The following SGCZ variants were observed in gnomAD, a reference collection of about 807,000 sequenced individuals.
SGCZ encodes the protein zeta-sarcoglycan.
A neutral mutation model predicts 41.3 loss-of-function variants in SGCZ; 40 were observed. The ratio of observed to expected loss-of-function variants is 0.97; its 90% CI spans 0.75 to 1.26. The LOEUF (loss-of-function observed/expected upper bound fraction) is 1.26. Ranked by LOEUF, SGCZ falls within the 50% of genes most tolerant of loss-of-function variation. SGCZ has a pLI of 0.00. For synonymous variants in SGCZ, 206 were observed against 137.5 expected (o/e 1.50, Z -3.49); for missense variants, 552 against 369.8 (o/e 1.49, Z -4.04).
intron 1 of SGCZ, among the ~76,000 whole-genome samples, chr8:15,069,443 T>C (rs1259076622): frequency 1.3e-5 from 2 of 152,232 alleles, no homozygotes; most frequent in African/African-American, 4.8e-5. Context: ...ATTTTCCAAG[T>C]GAGTATACCT....
intron 3 of SGCZ, among the ~76,000 whole-genome samples, chr8:14,312,658 AGAGGAGGAGGAAGAGGAG>A (rs1221329817): frequency 2.6e-5 from 4 of 151,866 alleles, no homozygotes; most frequent in South Asian, 2.1e-4. Context: ...AGGAAGAGGA[AGAGGAGGAGGAAGAGGAG>A]GAGGAGGAGG....
At position 14,087,349 on chromosome 8, in the gene SGCZ, G is replaced by T. The variant is rs909180205; in HGVS notation, c.*3094C>A. Among the ~76,000 whole-genome samples, 3 of 151,588 alleles carry T rather than the reference G, an allele frequency of 2.0e-5. No homozygotes were observed. The highest frequency in any genetic ancestry group is 3.0e-5 in the Non-Finnish European group (2 of 67,648). ...AATTGAAATCTTCTGAAAAAGAAAAGAATAATGTGTCCTCTTTGCATCTTT... is the reference window on the plus strand; with the variant it reads ...AATTGAAATCTTCTGAAAAAGAAAATAATAATGTGTCCTCTTTGCATCTTT... On this transcript the variant is annotated 3_prime_UTR_variant, in exon 8 of 8. Coordinates refer to ENST00000382080, the MANE Select transcript of SGCZ (RefSeq NM_139167.4).
intron 1 of SGCZ, among the ~76,000 whole-genome samples, chr8:14,920,585 A>G (rs941551817): frequency 1.3e-5 from 2 of 152,194 alleles, no homozygotes; most frequent in African/African-American, 4.8e-5. Context: ...GGAAAAAAAG[A>G]TAAGATGGTA....
At chr8:14,671,490 A>T (rs1324267449) in intron 1 of SGCZ, among the ~76,000 whole-genome samples, 1 of 152,210 alleles carries the variant, frequency 6.6e-6, no homozygotes, top group Non-Finnish European at 1.5e-5. Flanking sequence ...TTATTTGAAA[A>T]GATCTAACTG....
intron 1 of SGCZ, among the ~76,000 whole-genome samples, chr8:14,614,766 A>G (rs941948955): frequency 6.6e-6 from 1 of 152,194 alleles, no homozygotes; most frequent in Admixed American, 6.5e-5. Context: ...GAGAGTTAAC[A>G]TAAGTGGTGG....
At chr8:14,558,574 T>TAG (rs146179658) in intron 1 of SGCZ, among the ~76,000 whole-genome samples, 3,357 of 99,704 alleles carry the variant, frequency 0.034, 66 homozygotes, top group Middle Eastern at 0.083. Flanking sequence ...GAATGACTCT[T>TAG]AGAGAGAGAG....
intron 5 of SGCZ, among the ~76,000 whole-genome samples, chr8:14,131,147 A>G (rs1181043633): frequency 6.6e-6 from 1 of 152,106 alleles, no homozygotes; most frequent in Non-Finnish European, 1.5e-5. Flanking sequence ...CACATCCTTG[A>G]TTTCCTTGGA....
At chr8:14,662,697 A>C (rs952018740) in intron 1 of SGCZ, among the ~76,000 whole-genome samples, 3 of 152,156 alleles carry the variant, frequency 2.0e-5, no homozygotes, top group Admixed American at 6.6e-5. Context: ...TAAGGTTGAT[A>C]ATGAAATCAT....
chr8:14,430,755 G>A (rs965968439), intron 2 of SGCZ, among the ~76,000 whole-genome samples: 1 of 152,152 alleles, frequency 6.6e-6, no homozygotes, highest in Non-Finnish European at 1.5e-5. Flanking sequence ...AAGTCAAAAT[G>A]TCGTTGTTTA....
intron 1 of SGCZ, among the ~76,000 whole-genome samples, chr8:14,741,716 C>T (rs574481674): frequency 9.9e-5 from 15 of 152,030 alleles, no homozygotes; most frequent in African/African-American, 3.1e-4. Context: ...AATTGCTTTT[C>T]CAAAAGTATG....
chr8:14,468,082 C>G (rs7815841), intron 2 of SGCZ, among the ~76,000 whole-genome samples: 34,121 of 151,878 alleles, frequency 0.22, 4,328 homozygotes, highest in Non-Finnish European at 0.29. Flanking sequence ...CACATTTTCA[C>G]TTACATTTTT....
intron 1 of SGCZ, among the ~76,000 whole-genome samples, chr8:14,820,492 G>C (rs1802043102): frequency 6.6e-6 from 1 of 151,960 alleles, no homozygotes; most frequent in Non-Finnish European, 1.5e-5. Context: ...AAACCAAATG[G>C]ACTTAATGAA....
intron 4 of SGCZ, among the ~76,000 whole-genome samples, chr8:14,212,484 A>G (rs1805843950): frequency 1.3e-5 from 2 of 151,726 alleles, no homozygotes; most frequent in South Asian, 4.1e-4. Context: ...AAAAAAAAAA[A>G]AAAAAAGTTG....
intron 1 of SGCZ, among the ~76,000 whole-genome samples, chr8:14,562,350 G>A (rs1804231438): frequency 6.6e-6 from 1 of 152,090 alleles, no homozygotes; most frequent in African/African-American, 2.4e-5. Context: ...GATGCATTAT[G>A]AATCTCACGT....
In SGCZ at chr8:14,252,448, C is replaced by T. The variant is rs1486030223; in HGVS notation, c.337-14769G>A. On this transcript the variant is annotated intron_variant, in intron 3 of 7. Transcript: ENST00000382080. The stretch of plus-strand genomic sequence containing the variant: ...ATTCTGTATCTGAAAATTTCAATTA[C>T]TGAAGTAACTGAAAAATCTAAACTT... Among the ~76,000 whole-genome samples the T allele has an allele frequency of 5.9e-5, 9 of 152,100 alleles. No homozygotes were observed. In the South Asian group the frequency reaches 1.9e-3, roughly 32 times the overall value.
intron 1 of SGCZ, among the ~76,000 whole-genome samples, chr8:14,871,855 C>A (rs922572804): frequency 6.8e-6 from 1 of 147,550 alleles, no homozygotes; most frequent in African/African-American, 2.5e-5. Flanking sequence ...TATATATATG[C>A]ATGTATGTAT....
chr8:14,418,990 AT>A (rs1173242453), intron 2 of SGCZ, among the ~76,000 whole-genome samples: 2 of 151,934 alleles, frequency 1.3e-5, no homozygotes, highest in Non-Finnish European at 2.9e-5. Context: ...GCACTTTTGA[AT>A]TCCCTTCATG....
At chr8:14,953,677 T>C (rs1289222059) in intron 1 of SGCZ, among the ~76,000 whole-genome samples, 1 of 152,152 alleles carries the variant, frequency 6.6e-6, no homozygotes, top group Non-Finnish European at 1.5e-5. Context: ...GTCACTTTAC[T>C]ATACTGGGAC....
intron 1 of SGCZ, among the ~76,000 whole-genome samples, chr8:14,947,143 A>T (rs1800478654): frequency 6.6e-6 from 1 of 152,304 alleles, no homozygotes; most frequent in South Asian, 2.1e-4. Context: ...ACTCTCATCT[A>T]TCATACAAGT....
Sources: allele counts gnomAD v4.1 joint callset (sites outside exome capture counted in the v4.1 genomes callset), GRCh38; gene constraint gnomAD v4.1.1; transcripts MANE v1.5; gene names NCBI Gene and HGNC (gene_info 2026-07-23, HGNC 2026-07-21).